Variants in NINL observed in about 807,000 individuals in gnomAD.
The protein encoded by NINL is ninein like, also known as ninein-like protein.
NINL carries 153 observed loss-of-function variants against 160.3 expected under a neutral mutation model. That is an observed-to-expected ratio of 0.95 (90% CI 0.84 to 1.09). NINL has a LOEUF of 1.09. NINL is among the 50% of genes least tolerant of loss of function. The pLI, the probability that NINL is intolerant of heterozygous loss-of-function variation, is 0.00. For synonymous variants in NINL, 800 were observed against 734.8 expected (o/e 1.09, Z -1.43); for missense variants, 1,829 against 1,764.0 (o/e 1.04, Z -0.66).
intron 22 of NINL, among the ~76,000 whole-genome samples, 153 bp from the exon 23 acceptor site, chr20:25,455,939 T>A (rs1026889795): frequency 1.3e-5 from 2 of 150,340 alleles, no homozygotes; most frequent in African/African-American, 2.5e-5. Flanking sequence ...CTAAAAAAAA[T>A]AGAAAAATTA....
intron 19 of NINL, chr20:25,462,824 T>C (rs2062825361): frequency 1.3e-5 from 4 of 297,788 alleles, no homozygotes; most frequent in African/African-American, 4.5e-5. Flanking sequence ...CCACCTAGTT[T>C]TGTTTTTTGG....
In NINL at chr20:25,510,717, G is replaced by C. The variant is rs75652027; in HGVS notation, c.474C>G (p.Ala158=). The change falls in exon 5 of 24, where the codon GCC becomes GCG. Residue 158 remains alanine (A), a synonymous_variant. Transcript: ENST00000278886. Reference sequence around the variant, plus strand: ...CATTCTGAGCTTCTTTAGTGCTCTCGGCCTCTTCATCTGACTTGGGACTCT... The same window carrying C: ...CATTCTGAGCTTCTTTAGTGCTCTCCGCCTCTTCATCTGACTTGGGACTCT... ...SVESPKSDEE[A]ESTKEAQNEL... 75 of 1,613,660 alleles carry C rather than the reference G, an allele frequency of 4.6e-5. No individual in the cohort carries two copies. The highest frequency in any genetic ancestry group is 6.1e-5 in the Non-Finnish European group (72 of 1,179,896).
chr20:25,537,564 T>A (rs1197731065), intron 1 of NINL, among the ~76,000 whole-genome samples: 1 of 151,944 alleles, frequency 6.6e-6, no homozygotes, highest in Non-Finnish European at 1.5e-5. Flanking sequence ...TAAAACAGAG[T>A]ACAGAATACC....
chr20:25,542,334 G>A (rs2064676056), intron 1 of NINL, among the ~76,000 whole-genome samples: 1 of 152,152 alleles, frequency 6.6e-6, no homozygotes, highest in African/African-American at 2.4e-5. Context: ...TTCAGTCACT[G>A]CACACAGGAA....
chr20:25,470,159 G>T, intron 17 of NINL, 64 bp from the exon 18 acceptor site: 2 of 1,331,408 alleles, frequency 1.5e-6, no homozygotes, highest in South Asian at 1.2e-5. Context: ...ACGGAGGCTG[G>T]CTCTGCAGCG....
At position 25,491,437 on chromosome 20, in the gene NINL, T is replaced by C. The variant is rs1277842758; in HGVS notation, c.1399A>G (p.Arg467Gly). 6.2e-7 allele frequency: 1 copy of C among 1,613,836 alleles called. No homozygotes were observed. The change falls in exon 11 of 24, where the codon AGG (arginine) becomes GGG (glycine). Residue 467 changes from arginine to glycine, a missense_variant. By Grantham distance (125) the Arg-to-Gly change is moderately radical (BLOSUM62 -2). Coordinates refer to ENST00000278886, the MANE Select transcript of NINL (RefSeq NM_025176.6). ...ERELFWEQAH[R>G]QRAALEWDVG... ...TCCCACTCCAGCGCGGCCCTCTGCC[T>C]GTGGGCCTGCTCCCAGAACAGCTCT...
At position 25,504,094 on chromosome 20, in the gene NINL, T is replaced by G. The variant is rs2063918058; in HGVS notation, c.719A>C (p.Asp240Ala). 3.8e-6 allele frequency: 6 copies of G among 1,572,168 alleles called. No individual in the cohort carries two copies. Among genetic ancestry groups the G allele is most frequent in the Non-Finnish European group, 8.6e-7 (1 of 1,160,230 alleles). Residue 240 changes from aspartate (D) to alanine (A), a missense_variant, in exon 7 of 24, where the codon GAC (aspartate) becomes GCC (alanine). Physicochemically the swap from Asp to Ala is moderately radical, Grantham distance 126. Transcript: ENST00000278886. The stretch of plus-strand genomic sequence containing the variant: ...GTCTTGATCCAGTTTGTTAAACAGG[T>G]CTTCGAGTTCCTAAACAAAAGCCGT... ...LQGLEKEELE[D>A]LFNKLDQDGD...
intron 1 of NINL, among the ~76,000 whole-genome samples, chr20:25,533,406 T>C (rs2147003239): frequency 6.6e-6 from 1 of 151,660 alleles, no homozygotes; most frequent in African/African-American, 2.4e-5. Context: ...CCAAGGGAAG[T>C]TTCCTGGACA....
chr20:25,547,584 C>T (rs2064751382), intron 1 of NINL, among the ~76,000 whole-genome samples: 1 of 151,778 alleles, frequency 6.6e-6, no homozygotes, highest in African/African-American at 2.4e-5. Flanking sequence ...CTAGGACATC[C>T]AGGGGCCTCT....
In NINL at chr20:25,504,945, G is replaced by A. The variant is rs1184405784; in HGVS notation, c.651C>T (p.Ser217=). Residue 217 remains serine, a synonymous_variant, in exon 6 of 24, where the codon AGC becomes AGT. Coordinates refer to ENST00000278886, the MANE Select transcript of NINL (RefSeq NM_025176.6). ...ELGVGSSGHL[S]EQELAVVCQS... is the part of the protein sequence containing the mutation. ...GGCAGACCACAGCCAGCTCCTGCTC[G>A]CTCAGGTGTCCGCTGCTGCCCACCC... The A allele has an allele frequency of 6.8e-6, 11 of 1,612,584 alleles. No homozygotes were observed. The East Asian group carries it at 8.9e-5, about 13-fold the overall frequency.
chr20:25,492,824 C>T (rs2063670233), intron 10 of NINL, among the ~76,000 whole-genome samples: 1 of 152,000 alleles, frequency 6.6e-6, no homozygotes, highest in Admixed American at 6.6e-5. Flanking sequence ...GAGTGATACC[C>T]CCGGGAAAGT....
chr20:25,579,432 C>T (rs1489127977), intron 1 of NINL, among the ~76,000 whole-genome samples: 1 of 152,238 alleles, frequency 6.6e-6, no homozygotes, highest in Non-Finnish European at 1.5e-5. Flanking sequence ...GAGACCTGAG[C>T]TCCATTTCTG....
chr20:25,526,991 C>T (rs1217438822), intron 1 of NINL, among the ~76,000 whole-genome samples: 1 of 152,144 alleles, frequency 6.6e-6, no homozygotes, highest in South Asian at 2.1e-4. Context: ...GACAGTGCCA[C>T]TGTTCTTCAG....
At chr20:25,525,827 AG>A (rs2064348357) in intron 2 of NINL, among the ~76,000 whole-genome samples, 1 of 152,184 alleles carries the variant, frequency 6.6e-6, no homozygotes, top group African/African-American at 2.4e-5. Flanking sequence ...GTTGCAGTCT[AG>A]GACCAAGATC....
At chr20:25,515,490 G>T (rs2064143842) in intron 3 of NINL, among the ~76,000 whole-genome samples, 2 of 152,142 alleles carry the variant, frequency 1.3e-5, no homozygotes, top group African/African-American at 2.4e-5. Flanking sequence ...AGTTAATGCT[G>T]GAATGAGTTA....
In NINL at chr20:25,563,449, T is replaced by G. The variant is rs375371273; in HGVS notation, c.-12+22006A>C. 3.9e-5 allele frequency among the ~76,000 whole-genome samples: 6 copies of G among 152,262 alleles called. No individual in the cohort carries two copies. The East Asian group carries it at 9.6e-4, about 24-fold the overall frequency. On this transcript the variant is annotated intron_variant, in intron 1 of 23. Transcript: ENST00000278886. Reference sequence around the variant, plus strand: ...TCTAAACCTCAATAAATTGATTAAATGGAATACTGAGAAACATTCAAGAAA... The same window carrying G: ...TCTAAACCTCAATAAATTGATTAAAGGGAATACTGAGAAACATTCAAGAAA...
chr20:25,488,621 C>T (rs556821917), intron 13 of NINL, among the ~76,000 whole-genome samples: 35 of 152,038 alleles, frequency 2.3e-4, no homozygotes, highest in Admixed American at 9.2e-4. Flanking sequence ...TTGAGCATCC[C>T]GTCCTCTGTT....
intron 1 of NINL, among the ~76,000 whole-genome samples, chr20:25,536,984 A>T (rs1461237596): frequency 6.6e-6 from 1 of 152,202 alleles, no homozygotes; most frequent in Non-Finnish European, 1.5e-5. Context: ...GTATCAGGAG[A>T]AATATCTAAG....
At chr20:25,527,121 C>A (rs963678342) in intron 1 of NINL, among the ~76,000 whole-genome samples, 2 of 151,680 alleles carry the variant, frequency 1.3e-5, no homozygotes, top group Admixed American at 1.3e-4. Context: ...CATATAAAAA[C>A]ACTACTATTA....
Sources: gnomAD v4.1 joint callset for allele counts (sites outside exome capture counted in the v4.1 genomes callset) on GRCh38, gnomAD v4.1.1 for gene constraint, MANE v1.5 for transcripts, NCBI Gene and HGNC (gene_info 2026-07-23, HGNC 2026-07-21) for gene names.